The following TYR variants were observed in gnomAD, a reference collection of about 807,000 sequenced individuals.
TYR encodes the protein tyrosinase.
In TYR, 58 loss-of-function variants were observed where a neutral mutation model predicts 51.5. That is an observed-to-expected ratio of 1.13 (90% CI 0.91 to 1.40). TYR has a LOEUF of 1.40. Ranked by LOEUF, TYR falls within the 40% of genes most tolerant of loss-of-function variation. The pLI is 0.00. For synonymous variants in TYR, 263 were observed against 235.2 expected, an observed-to-expected ratio of 1.12 and a Z score of -1.08; for missense variants, 732 against 647.4, an observed-to-expected ratio of 1.13 and a Z score of -1.42.
chr11:89,226,216 G>A (rs751767356), intron 2 of TYR, among the ~76,000 whole-genome samples: 109 of 151,934 alleles, frequency 7.2e-4, no homozygotes, highest in Non-Finnish European at 1.3e-3. Flanking sequence ...TTGTATTTAG[G>A]AGCATAAGTT....
At chr11:89,286,566 G>T (rs1367809551) in intron 4 of TYR, among the ~76,000 whole-genome samples, 1 of 151,668 alleles carries the variant, frequency 6.6e-6, no homozygotes, top group Non-Finnish European at 1.5e-5. Flanking sequence ...CTAGTATATG[G>T]TACAATATAT....
intron 2 of TYR, among the ~76,000 whole-genome samples, chr11:89,212,458 T>C (rs1943771933): frequency 6.6e-6 from 1 of 151,798 alleles, no homozygotes; most frequent in Non-Finnish European, 1.5e-5. Flanking sequence ...GCCTACCAAC[T>C]AAAAAAAGTC....
chr11:89,209,830 G>A (rs1392858907), intron 2 of TYR, among the ~76,000 whole-genome samples: 1 of 152,134 alleles, frequency 6.6e-6, no homozygotes, highest in Non-Finnish European at 1.5e-5. Context: ...AACAGGGTCT[G>A]GAGCGGACCT....
At chr11:89,244,166 G>A (rs1325128593) in intron 3 of TYR, among the ~76,000 whole-genome samples, 1 of 152,034 alleles carries the variant, frequency 6.6e-6, no homozygotes, top group Non-Finnish European at 1.5e-5. Flanking sequence ...GGTAGAGAGG[G>A]ATATTTTATC....
intron 1 of TYR, among the ~76,000 whole-genome samples, chr11:89,185,032 T>C (rs76458714): frequency 0.014 from 2,157 of 152,270 alleles, 50 homozygotes; most frequent in African/African-American, 0.05. Flanking sequence ...TCTTGATTAT[T>C]TTCAAATGTG....
intron 3 of TYR, among the ~76,000 whole-genome samples, chr11:89,265,009 AC>A (rs1944509775): frequency 6.6e-6 from 1 of 152,038 alleles, no homozygotes; most frequent in African/African-American, 2.4e-5. Flanking sequence ...ATTGACAGTT[AC>A]GTCAGTTTTG....
At chr11:89,246,296 A>G (rs1944266664) in intron 3 of TYR, among the ~76,000 whole-genome samples, 1 of 152,140 alleles carries the variant, frequency 6.6e-6, no homozygotes, top group Admixed American at 6.5e-5. Context: ...TGATCTTAGG[A>G]AAGTTGCAGA....
intron 3 of TYR, among the ~76,000 whole-genome samples, chr11:89,255,835 T>A (rs1944384392): frequency 6.6e-6 from 1 of 151,794 alleles, no homozygotes; most frequent in East Asian, 1.9e-4. Context: ...TCATTTTATT[T>A]GTCTTTTTTT....
chr11:89,217,593 G>A (rs1943849114), intron 2 of TYR, among the ~76,000 whole-genome samples: 1 of 152,206 alleles, frequency 6.6e-6, no homozygotes, highest in Non-Finnish European at 1.5e-5. Flanking sequence ...TGTGCATCCA[G>A]GAGTTAAGGG....
chr11:89,231,710 G>A (rs138833062), intron 3 of TYR, among the ~76,000 whole-genome samples: 2 of 142,676 alleles, frequency 1.4e-5, no homozygotes, highest in African/African-American at 5.6e-5. Flanking sequence ...TAGGCTGAGC[G>A]CAGTGGATCA....
At position 89,178,024 on chromosome 11, in the gene TYR, G is replaced by A. The variant is rs373333305; in HGVS notation, c.71G>A (p.Cys24Tyr). The A allele has an allele frequency of 3.7e-6, 6 of 1,614,086 alleles. No individual in the cohort carries two copies. The highest frequency in any genetic ancestry group is 5.1e-6 in the Non-Finnish European group (6 of 1,180,042). The change falls in exon 1 of 5, where the codon TGT becomes TAT. Residue 24 changes from cysteine (C) to tyrosine (Y), a missense_variant. Physicochemically the swap from Cys to Tyr is radical, Grantham distance 194. Transcript: ENST00000263321. The part of the protein sequence containing the change: ...QTSAGHFPRA[C>Y]VSSKNLMEKE... ...TCCGCTGGCCATTTCCCTAGAGCCTGTGTCTCCTCTAAGAACCTGATGGAG... is the reference window on the plus strand; with the variant it reads ...TCCGCTGGCCATTTCCCTAGAGCCTATGTCTCCTCTAAGAACCTGATGGAG...
chr11:89,261,374 T>C (rs1421513799), intron 3 of TYR, among the ~76,000 whole-genome samples: 3 of 152,072 alleles, frequency 2.0e-5, no homozygotes, highest in Non-Finnish European at 4.4e-5. Context: ...GAAAAAGATA[T>C]TTTATGTAAA....
chr11:89,261,736 C>A (rs1474905843), intron 3 of TYR, among the ~76,000 whole-genome samples: 4 of 152,028 alleles, frequency 2.6e-5, no homozygotes, highest in African/African-American at 4.8e-5. Context: ...CTCTACCCAA[C>A]AACAGAATGC....
At position 89,227,746 on chromosome 11, in the gene TYR, T is replaced by C. The variant is rs113438665; in HGVS notation, c.1037-77T>C. ...TGAAACAGTCTTCAAGTTATAGTTA[T>C]AAATCAAATGGGATAATCACATAGG... On this transcript the variant is annotated intron_variant, in intron 2 of 4. Transcript: ENST00000263321. 4.3e-3 allele frequency: 5,468 copies of C among 1,283,332 alleles called. 163 individuals are homozygous for C. The African/African-American group carries it at 0.069, about 16-fold the overall frequency. The allele number at this position is 1,283,332 out of a possible 1,614,324, so 79.5% of individuals were successfully genotyped here.
intron 3 of TYR, among the ~76,000 whole-genome samples, chr11:89,256,508 A>G (rs111350613): frequency 1.5e-4 from 23 of 151,446 alleles, no homozygotes; most frequent in African/African-American, 5.6e-4. Context: ...TTCATGTTTC[A>G]TATTAGTCAA....
intron 3 of TYR, among the ~76,000 whole-genome samples, chr11:89,283,554 A>G (rs1052626048): frequency 4.6e-5 from 7 of 151,768 alleles, no homozygotes; most frequent in African/African-American, 1.7e-4. Context: ...TAGGACAGAT[A>G]TTATTACTCT....
intron 1 of TYR, among the ~76,000 whole-genome samples, chr11:89,179,686 A>G (rs1304054527): frequency 6.6e-6 from 1 of 152,192 alleles, no homozygotes; most frequent in African/African-American, 2.4e-5. Context: ...TTTAGGCTGC[A>G]TTAGAAGTTA....
chr11:89,241,567 C>T (rs1202028743), intron 3 of TYR, among the ~76,000 whole-genome samples: 1 of 151,686 alleles, frequency 6.6e-6, no homozygotes, highest in African/African-American at 2.4e-5. Flanking sequence ...TTAGAAAATA[C>T]TTATTGAGCT....
At chr11:89,242,775 C>T (rs1230715188) in intron 3 of TYR, among the ~76,000 whole-genome samples, 4 of 152,092 alleles carry the variant, frequency 2.6e-5, no homozygotes, top group African/African-American at 9.7e-5. Flanking sequence ...TTTTCTTCAT[C>T]ACTAAAATGG....
Sources: allele counts gnomAD v4.1 joint callset (sites outside exome capture counted in the v4.1 genomes callset), GRCh38; gene constraint gnomAD v4.1.1; transcripts MANE v1.5; gene names NCBI Gene and HGNC (gene_info 2026-07-23, HGNC 2026-07-21).